PRDM11: variants seen among roughly 807,000 people sequenced by gnomAD.
PRDM11 encodes the protein PR domain-containing protein 11.
A neutral mutation model predicts 97.8 loss-of-function variants in PRDM11; 20 were observed. That is an observed-to-expected ratio of 0.20 (90% CI 0.14 to 0.30). PRDM11 has a LOEUF of 0.30. Ranked by LOEUF, PRDM11 falls within the 10% of genes least tolerant of loss-of-function variation. The pLI, the probability that PRDM11 is intolerant of heterozygous loss-of-function variation, is 1.00. For synonymous variants in PRDM11, 599 were observed against 637.7 expected (o/e 0.94, Z 0.91); for missense variants, 1,139 against 1,555.2 (o/e 0.73, Z 4.50).
At chr11:45,171,838 G>C (rs1473731644) in intron 1 of PRDM11, among the ~76,000 whole-genome samples, 1 of 152,222 alleles carries the variant, frequency 6.6e-6, no homozygotes, top group Non-Finnish European at 1.5e-5. Flanking sequence ...GTCAGTTACA[G>C]TTTCTGTCTC....
rs1419895038 is a variant in PRDM11, at chr11:45,226,053, T to C, written c.1428T>C (p.Asp476=). 14 of 1,516,144 alleles carry C rather than the reference T, an allele frequency of 9.2e-6. No individual in the cohort carries two copies. Among genetic ancestry groups the C allele is most frequent in the Non-Finnish European group, 1.2e-5 (14 of 1,131,796 alleles). 93.9% of individuals were successfully genotyped at this position (1,516,144 alleles called of 1,614,324 possible). ...AIMEDDDQEV[D]SADESVSNDM... ...TGGAGGATGATGACCAGGAAGTCGA[T>C]TCAGCAGATGAATCTGTCTCCAATG... is the stretch of plus-strand genomic sequence containing the variant. Residue 476 remains aspartate (D), a synonymous_variant, in exon 8 of 8, where the codon GAT becomes GAC. Transcript: ENST00000683152.
chr11:45,156,026 G>T (rs1290013279), intron 1 of PRDM11, among the ~76,000 whole-genome samples: 1 of 152,184 alleles, frequency 6.6e-6, no homozygotes, highest in African/African-American at 2.4e-5. Flanking sequence ...GCTGAGCCAG[G>T]ATATGAACCT....
At position 45,197,263 on chromosome 11, in the gene PRDM11, C is replaced by A. The variant is rs111318209; in HGVS notation, c.487-7448C>A. 6.5e-3 allele frequency among the ~76,000 whole-genome samples: 983 copies of A among 152,176 alleles called. 12 individuals carry two copies. The highest frequency in any genetic ancestry group is 0.022 in the African/African-American group (931 of 41,506). On this transcript the variant is annotated intron_variant, in intron 4 of 7. Transcript: ENST00000683152. ...AAGCCAGACACGGGACAAATACTAC[C>A]TGATACCAGTTATAGGAGGAATCTG...
chr11:45,138,193 A>T (rs180803398), intron 1 of PRDM11, among the ~76,000 whole-genome samples: 3 of 152,308 alleles, frequency 2.0e-5, no homozygotes, highest in Admixed American at 1.3e-4. Context: ...GGGGGGAAAA[A>T]CTTGAAGAAG....
intron 6 of PRDM11, among the ~76,000 whole-genome samples, chr11:45,220,903 T>TTTTG (rs573240111): frequency 5.3e-5 from 8 of 152,104 alleles, no homozygotes; most frequent in South Asian, 2.1e-4. Flanking sequence ...AGGGTGTTTT[T>TTTTG]TTTGTTTGTT....
At chr11:45,197,986 G>A (rs1436660940) in intron 4 of PRDM11, among the ~76,000 whole-genome samples, 1 of 152,128 alleles carries the variant, frequency 6.6e-6, no homozygotes. Context: ...AAACCTGCAT[G>A]TTGTGCACAT....
intron 4 of PRDM11, among the ~76,000 whole-genome samples, chr11:45,185,213 C>T (rs1415825878): frequency 1.3e-5 from 2 of 152,234 alleles, no homozygotes; most frequent in Non-Finnish European, 1.5e-5. Context: ...AGCCCAGCCT[C>T]CTGTCCCCGG....
At chr11:45,194,199 C>T (rs896358741) in intron 4 of PRDM11, among the ~76,000 whole-genome samples, 32 of 152,096 alleles carry the variant, frequency 2.1e-4, no homozygotes, top group African/African-American at 6.8e-4. Flanking sequence ...AGTACTCTTG[C>T]GGGTGCAGAA....
intron 1 of PRDM11, among the ~76,000 whole-genome samples, chr11:45,122,212 C>CAG (rs1852447338): frequency 7.9e-6 from 1 of 126,506 alleles, no homozygotes; most frequent in African/African-American, 2.6e-5. Context: ...GACACACACA[C>CAG]ACACACACAC....
chr11:45,104,675 G>A (rs576837057), intron 1 of PRDM11, among the ~76,000 whole-genome samples: 2 of 152,286 alleles, frequency 1.3e-5, no homozygotes, highest in South Asian at 4.1e-4. Context: ...AAAGGTTTTG[G>A]GGGGAGGTGG....
intron 1 of PRDM11, chr11:45,096,042 TTCTG>T (rs1851883851): frequency 7.4e-6 from 5 of 672,520 alleles, no homozygotes; most frequent in African/African-American, 7.2e-5. Context: ...GCATTGTCCT[TTCTG>T]TCTAACATTA....
At chr11:45,113,829 GT>G (rs112384308) in intron 1 of PRDM11, among the ~76,000 whole-genome samples, 3,401 of 124,120 alleles carry the variant, frequency 0.027, 146 homozygotes, top group African/African-American at 0.099. Flanking sequence ...TGTGTGTTTT[GT>G]TTTTTTTTTT....
intron 4 of PRDM11, among the ~76,000 whole-genome samples, chr11:45,187,253 G>A (rs536729231): frequency 2.6e-5 from 4 of 152,204 alleles, no homozygotes; most frequent in Non-Finnish European, 5.9e-5. Context: ...GGGCAGATTG[G>A]AGATGGATCT....
intron 1 of PRDM11, among the ~76,000 whole-genome samples, chr11:45,100,815 TTC>T (rs1484819818): frequency 1.3e-5 from 2 of 152,240 alleles, no homozygotes; most frequent in Non-Finnish European, 2.9e-5. Context: ...TTTGCATATT[TTC>T]TCTCATTGGA....
At position 45,227,986 on chromosome 11, in the gene PRDM11, G is replaced by A; in HGVS notation, c.3361G>A (p.Gly1121Arg). The A allele has an allele frequency of 6.5e-7, 1 of 1,533,800 alleles. No individual in the cohort carries two copies. Among genetic ancestry groups the A allele is most frequent in the Non-Finnish European group, 8.7e-7 (1 of 1,146,710 alleles). ...LSDLLTIAVN[G>R]PPITNFDAKR... is the part of the protein sequence containing the mutation. ...CGACCTGTTGACAATCGCTGTAAAC[G>A]GACCGCCAATCACCAACTTTGATGC... The change falls in exon 8 of 8, where the codon GGA becomes AGA. Residue 1121 changes from glycine (G) to arginine (R), a missense_variant. Gly to Arg is a moderately radical substitution (Grantham distance 125). This residue lies in a region of PRDM11 where 710 missense variants were observed against 1,044.9 expected (regional missense o/e 0.68). Coordinates refer to ENST00000683152, the MANE Select transcript of PRDM11 (RefSeq NM_001384648.1). This position sits in a 1 kb window ranked among gnomAD's most constrained non-coding sequence, Gnocchi z 8.0.
At chr11:45,119,061 T>C (rs1852364605) in intron 1 of PRDM11, among the ~76,000 whole-genome samples, 1 of 152,088 alleles carries the variant, frequency 6.6e-6, no homozygotes, top group Middle Eastern at 3.4e-3. Flanking sequence ...CTAAAAGAGG[T>C]CCAAACACAA....
chr11:45,115,088 T>G (rs922495045), intron 1 of PRDM11, among the ~76,000 whole-genome samples: 2 of 152,022 alleles, frequency 1.3e-5, no homozygotes, highest in Admixed American at 1.3e-4. Flanking sequence ...AAGATATAAT[T>G]ATTTGGAGCA....
At chr11:45,123,049 A>G (rs1477508699) in intron 1 of PRDM11, among the ~76,000 whole-genome samples, 2 of 151,988 alleles carry the variant, frequency 1.3e-5, no homozygotes, top group Non-Finnish European at 2.9e-5. Context: ...CTGGTGTGAG[A>G]TGGTATCTCA....
chr11:45,128,558 G>A (rs1852642578), intron 1 of PRDM11, among the ~76,000 whole-genome samples: 1 of 126,338 alleles, frequency 7.9e-6, no homozygotes, highest in African/African-American at 3.0e-5. Context: ...GATACATTTG[G>A]CAACTTAGAT....
Sources: allele counts gnomAD v4.1 joint callset (sites outside exome capture counted in the v4.1 genomes callset), GRCh38; gene constraint gnomAD v4.1.1; regional missense constraint gnomAD v4.1.1; non-coding constraint Gnocchi (gnomAD v3.1); transcripts MANE v1.5; gene names NCBI Gene and HGNC (gene_info 2026-07-23, HGNC 2026-07-21).